The following MACROD2 variants were observed in gnomAD, a reference collection of about 807,000 sequenced individuals.
MACROD2 encodes the protein ADP-ribose glycohydrolase MACROD2.
MACROD2 carries 36 observed loss-of-function variants against 70.4 expected under a neutral mutation model. The observed-to-expected ratio is 0.51, with a 90% CI of 0.39 to 0.68. MACROD2 has a LOEUF of 0.68. Among genes scored for constraint, MACROD2 ranks in the 30% least tolerant of loss-of-function variants. The pLI is 0.00. For missense variants in MACROD2, 496 were observed against 538.4 expected (o/e 0.92, Z 0.78); for synonymous variants, 172 against 178.8 (o/e 0.96, Z 0.30).
chr20:15,688,828 G>T (rs1489619408), intron 8 of MACROD2, among the ~76,000 whole-genome samples: 7 of 152,102 alleles, frequency 4.6e-5, no homozygotes, highest in African/African-American at 1.7e-4. Flanking sequence ...GGGTGTTTAT[G>T]GTCATTAAAA....
At chr20:15,755,972 A>G (rs1489427796) in intron 8 of MACROD2, among the ~76,000 whole-genome samples, 1 of 152,192 alleles carries the variant, frequency 6.6e-6, no homozygotes, top group East Asian at 1.9e-4. Context: ...GCCACTCCAA[A>G]TGGGCAGATA....
intron 6 of MACROD2, among the ~76,000 whole-genome samples, chr20:15,294,267 C>T (rs2077566993): frequency 6.6e-6 from 1 of 152,090 alleles, no homozygotes. Flanking sequence ...TGGGACATCT[C>T]CAGGTGACCT....
intron 6 of MACROD2, among the ~76,000 whole-genome samples, chr20:15,241,522 G>T (rs1386264998): frequency 2.0e-5 from 3 of 152,092 alleles, no homozygotes; most frequent in Admixed American, 1.3e-4. Context: ...CTATGAAATA[G>T]TAATAATATA....
intron 3 of MACROD2, among the ~76,000 whole-genome samples, chr20:14,092,760 C>A (rs2148673576): frequency 6.6e-6 from 1 of 152,250 alleles, no homozygotes; most frequent in South Asian, 2.1e-4. Flanking sequence ...ATACGTAGCA[C>A]AGTTCTCGCA....
intron 2 of MACROD2, among the ~76,000 whole-genome samples, chr20:14,027,471 A>G (rs148782552): frequency 2.0e-4 from 30 of 152,204 alleles, no homozygotes; most frequent in Non-Finnish European, 3.1e-4. Flanking sequence ...TCAATTTGTC[A>G]AACTCATTCT....
intron 6 of MACROD2, among the ~76,000 whole-genome samples, chr20:15,340,352 G>A (rs2078097897): frequency 6.6e-6 from 1 of 151,590 alleles, no homozygotes; most frequent in Admixed American, 6.6e-5. Flanking sequence ...TGGCCAGGCT[G>A]GTCTTGAACT....
chr20:15,984,588 A>G (rs2066450448), intron 13 of MACROD2, among the ~76,000 whole-genome samples: 1 of 151,882 alleles, frequency 6.6e-6, no homozygotes, highest in South Asian at 2.1e-4. Flanking sequence ...TTATTTCAGG[A>G]CAAGAATTTA....
At chr20:15,336,024 C>T (rs1402785049) in intron 6 of MACROD2, among the ~76,000 whole-genome samples, 1 of 151,620 alleles carries the variant, frequency 6.6e-6, no homozygotes, top group Non-Finnish European at 1.5e-5. Context: ...CTAAATGAAC[C>T]CCACCCTTTC....
intron 16 of MACROD2, among the ~76,000 whole-genome samples, chr20:16,042,345 T>C (rs2067318158): frequency 6.6e-6 from 1 of 152,058 alleles, no homozygotes; most frequent in Admixed American, 6.6e-5. Flanking sequence ...TCAGCTTGGT[T>C]GTGATGCTAC....
At chr20:14,062,994 G>A (rs1285004465) in intron 2 of MACROD2, among the ~76,000 whole-genome samples, 2 of 152,110 alleles carry the variant, frequency 1.3e-5, no homozygotes, top group South Asian at 2.1e-4. Flanking sequence ...GAAACTGTAC[G>A]ATCTTGCAGT....
At chr20:14,054,826 T>A (rs2053613751) in intron 2 of MACROD2, among the ~76,000 whole-genome samples, 1 of 152,188 alleles carries the variant, frequency 6.6e-6, no homozygotes, top group Non-Finnish European at 1.5e-5. Context: ...TACTCAGAGA[T>A]GAGAACATGC....
At chr20:14,624,289 C>T (rs568907458) in intron 4 of MACROD2, among the ~76,000 whole-genome samples, 1 of 152,312 alleles carries the variant, frequency 6.6e-6, no homozygotes, top group South Asian at 2.1e-4. Flanking sequence ...CAACATCTGA[C>T]AAGCCTCTTT....
chr20:15,406,792 G>A (rs1568783230), intron 6 of MACROD2, among the ~76,000 whole-genome samples: 1 of 152,152 alleles, frequency 6.6e-6, no homozygotes, highest in Admixed American at 6.5e-5. Context: ...GCACAGGGAG[G>A]TGTCATTAGC....
intron 5 of MACROD2, among the ~76,000 whole-genome samples, chr20:15,036,557 A>C (rs1484936444): frequency 6.6e-6 from 1 of 152,166 alleles, no homozygotes; most frequent in Admixed American, 6.5e-5. Flanking sequence ...CATCATCATC[A>C]ATCATAATCA....
intron 3 of MACROD2, among the ~76,000 whole-genome samples, chr20:14,247,943 T>G (rs1475733722): frequency 6.6e-6 from 1 of 152,194 alleles, no homozygotes; most frequent in Admixed American, 6.5e-5. Flanking sequence ...AGCCTTTTAA[T>G]CAAAACACAG....
chr20:16,021,559 G>T (rs2067001602), intron 15 of MACROD2, among the ~76,000 whole-genome samples: 1 of 152,186 alleles, frequency 6.6e-6, no homozygotes, highest in African/African-American at 2.4e-5. Flanking sequence ...TACTGTCTGT[G>T]TCTTCCCCTG....
intron 8 of MACROD2, among the ~76,000 whole-genome samples, chr20:15,529,682 A>G (rs571158521): frequency 1.3e-5 from 2 of 152,368 alleles, no homozygotes; most frequent in African/African-American, 4.8e-5. Flanking sequence ...TATATGTTGT[A>G]TAACCTTTCA....
At chr20:14,632,770 T>C (rs907385337) in intron 4 of MACROD2, among the ~76,000 whole-genome samples, 4 of 152,214 alleles carry the variant, frequency 2.6e-5, no homozygotes, top group African/African-American at 9.6e-5. Context: ...AAGAACTTTG[T>C]GACAAAAAAT....
chr20:15,981,471 G>C (rs1206356230), intron 13 of MACROD2, among the ~76,000 whole-genome samples: 1 of 152,038 alleles, frequency 6.6e-6, no homozygotes, highest in Non-Finnish European at 1.5e-5. Flanking sequence ...ATTCTTTTGG[G>C]CTGAGAATCC....
Sources: gnomAD v4.1 joint callset for allele counts (sites outside exome capture counted in the v4.1 genomes callset) on GRCh38, gnomAD v4.1.1 for gene constraint, MANE v1.5 for transcripts, NCBI Gene and HGNC (gene_info 2026-07-23, HGNC 2026-07-21) for gene names.